The following ZNF609 variants were observed in gnomAD, a reference collection of about 807,000 sequenced individuals.
ZNF609 encodes zinc finger protein 609.
ZNF609 carries 11 observed loss-of-function variants against 109.5 expected under a neutral mutation model. That is an observed-to-expected ratio of 0.10 (90% confidence interval 0.06 to 0.17). The LOEUF is 0.17. ZNF609 is among the 10% of genes least tolerant of loss of function. ZNF609 has a pLI of 1.00. For missense variants in ZNF609, 1,559 were observed against 1,772.4 expected (o/e 0.88, Z 2.16); for synonymous variants, 646 against 662.0 (o/e 0.98, Z 0.37).
At chr15:64,637,149 A>G (rs1254108692) in intron 3 of ZNF609, among the ~76,000 whole-genome samples, 1 of 152,202 alleles carries the variant, frequency 6.6e-6, no homozygotes, top group African/African-American at 2.4e-5. Context: ...TGTAAATAGA[A>G]TCATTACAGT....
chr15:64,622,232 C>A lies in ZNF609; in HGVS notation c.748-595C>A, dbSNP rs189982267. Among the ~76,000 whole-genome samples the A allele has an allele frequency of 1.1e-4, 16 of 152,298 alleles. No homozygotes were observed. In the East Asian group the frequency reaches 2.9e-3, roughly 28 times the overall value. On this transcript the variant is annotated intron_variant, in intron 2 of 9. Transcript: ENST00000326648. ...GAAATTCCCACCAGGTTAATCCCAG[C>A]CCTGCTATAACTTTATTCCTTCTAG...
At chr15:64,615,999 A>G (rs1326094522) in intron 2 of ZNF609, among the ~76,000 whole-genome samples, 4 of 152,156 alleles carry the variant, frequency 2.6e-5, no homozygotes, top group Non-Finnish European at 5.9e-5. Flanking sequence ...GGCAAGGTCT[A>G]TCTCAAATAT....
intron 2 of ZNF609, among the ~76,000 whole-genome samples, chr15:64,609,112 CTTTCTTTCTTTCTTTCTT>C (rs777502195): frequency 0.06 from 2,075 of 34,660 alleles, 33 homozygotes; most frequent in Non-Finnish European, 0.13. Flanking sequence ...TTCTTTCTTT[CTTTCTTTCTTTCTTTCTT>C]TTTTTCTTTC....
chr15:64,553,509 A>G (rs1376374575), intron 2 of ZNF609, among the ~76,000 whole-genome samples: 2 of 151,648 alleles, frequency 1.3e-5, no homozygotes, highest in African/African-American at 4.8e-5. Flanking sequence ...TGTAAATGGT[A>G]TTTTTAAAAT....
chr15:64,558,266 C>G (rs1894622389), intron 2 of ZNF609, among the ~76,000 whole-genome samples: 1 of 151,862 alleles, frequency 6.6e-6, no homozygotes, highest in Non-Finnish European at 1.5e-5. Context: ...CTTGCCATCT[C>G]TTGCCACCCC....
At chr15:64,650,057 A>G (rs941151494) in intron 3 of ZNF609, among the ~76,000 whole-genome samples, 1 of 151,070 alleles carries the variant, frequency 6.6e-6, no homozygotes, top group Non-Finnish European at 1.5e-5. Flanking sequence ...AGGCAGGAGG[A>G]TCACTTGAGT....
At chr15:64,552,347 A>G (rs1264511770) in intron 2 of ZNF609, among the ~76,000 whole-genome samples, 4 of 152,040 alleles carry the variant, frequency 2.6e-5, no homozygotes, top group African/African-American at 9.7e-5. Flanking sequence ...GTTGCAAGGT[A>G]TGGATTAAAA....
At chr15:64,610,610 T>C (rs1895700997) in intron 2 of ZNF609, among the ~76,000 whole-genome samples, 1 of 152,162 alleles carries the variant, frequency 6.6e-6, no homozygotes, top group Non-Finnish European at 1.5e-5. Flanking sequence ...ATTGCGCCAC[T>C]GTAGTCCGGC....
intron 2 of ZNF609, among the ~76,000 whole-genome samples, chr15:64,569,624 G>T (rs1894829891): frequency 6.6e-6 from 1 of 152,194 alleles, no homozygotes; most frequent in South Asian, 2.1e-4. Context: ...CCCAGACTGG[G>T]GTTAGAGGGC....
chr15:64,560,870 T>G (rs1003737837), intron 2 of ZNF609, among the ~76,000 whole-genome samples: 2 of 152,224 alleles, frequency 1.3e-5, no homozygotes, highest in African/African-American at 4.8e-5. Context: ...TACGAACCTG[T>G]GAACTTCAGT....
intron 2 of ZNF609, among the ~76,000 whole-genome samples, chr15:64,541,300 G>A (rs1421453633): frequency 2.0e-5 from 3 of 148,698 alleles, no homozygotes; most frequent in East Asian, 2.1e-4. Context: ...GGTGTCGGGC[G>A]CCTGTAGTCC....
intron 3 of ZNF609, among the ~76,000 whole-genome samples, chr15:64,646,923 G>A (rs1400382250): frequency 3.0e-5 from 4 of 131,840 alleles, no homozygotes; most frequent in Non-Finnish European, 6.2e-5. Context: ...CTGGATGACA[G>A]AGGGAGACTC....
At chr15:64,650,073 A>C (rs1338974149) in intron 3 of ZNF609, among the ~76,000 whole-genome samples, 1 of 150,662 alleles carries the variant, frequency 6.6e-6, no homozygotes, top group Non-Finnish European at 1.5e-5. Context: ...TGAGTCCAAA[A>C]GTTCAAGTCC....
intron 3 of ZNF609, among the ~76,000 whole-genome samples, chr15:64,666,047 C>G (rs1299126125): frequency 1.3e-5 from 2 of 149,944 alleles, no homozygotes; most frequent in African/African-American, 4.9e-5. Context: ...TGCACTCCAC[C>G]CTGGGCAACA....
chr15:64,490,595 A>G (rs1893400432), intron 1 of ZNF609, among the ~76,000 whole-genome samples: 1 of 151,690 alleles, frequency 6.6e-6, no homozygotes, highest in Admixed American at 6.6e-5. Context: ...GTTTTTTTTT[A>G]ATTGTTTACC....
At position 64,641,171 on chromosome 15, in the gene ZNF609, A is replaced by C. The variant is rs145497464; in HGVS notation, c.973+18119A>C. ...TCTGTTGAGAGAAAATACTATGGTC[A>C]TGTGAAAATGGTTCCAGGATGATGG... On this transcript the variant is annotated intron_variant, in intron 3 of 9. Transcript: ENST00000326648. 2.0e-5 allele frequency among the ~76,000 whole-genome samples: 3 copies of C among 148,630 alleles called. No individual in the cohort carries two copies. The East Asian group carries it at 6.0e-4, about 30-fold the overall frequency.
chr15:64,639,180 C>A (rs1896219056), intron 3 of ZNF609, among the ~76,000 whole-genome samples: 1 of 152,156 alleles, frequency 6.6e-6, no homozygotes, highest in African/African-American at 2.4e-5. Flanking sequence ...GCTGCCATCA[C>A]CACTGTTCTC....
At position 64,675,776 on chromosome 15, in the gene ZNF609, C is replaced by T. The variant is rs757034739; in HGVS notation, c.2922C>T (p.Tyr974=). Residue 974 remains tyrosine (Y), a synonymous_variant, in exon 5 of 10, where the codon TAC becomes TAT. Coordinates refer to ENST00000326648, the MANE Select transcript of ZNF609 (RefSeq NM_015042.2). Reference sequence around the variant, plus strand: ...ATATGTACATGCAGTCCCTGTACTACAACCAGTATGCCTATGTACCCCCCT... The same window carrying T: ...ATATGTACATGCAGTCCCTGTACTATAACCAGTATGCCTATGTACCCCCCT... The part of the protein sequence containing the change: ...RPNMYMQSLY[Y]NQYAYVPPYG... 2 of 1,614,258 alleles carry T rather than the reference C, an allele frequency of 1.2e-6. No homozygotes were observed. Among genetic ancestry groups the T allele is most frequent in the South Asian group, 1.1e-5 (1 of 91,088 alleles).
At chr15:64,632,972 T>TG (rs1896108368) in intron 3 of ZNF609, among the ~76,000 whole-genome samples, 1 of 151,208 alleles carries the variant, frequency 6.6e-6, no homozygotes, top group African/African-American at 2.4e-5. Flanking sequence ...TTTGTAGAGA[T>TG]GGGGTCTCAC....
Sources: gnomAD v4.1 joint callset for allele counts (sites outside exome capture counted in the v4.1 genomes callset) on GRCh38, gnomAD v4.1.1 for gene constraint, MANE v1.5 for transcripts, NCBI Gene and HGNC (gene_info 2026-07-23, HGNC 2026-07-21) for gene names.